NAV3: variants seen among roughly 807,000 people sequenced by gnomAD.
NAV3 encodes neuron navigator 3, also known as pore membrane and/or filament interacting like protein 1.
Under a neutral mutation model 244.7 loss-of-function variants are expected in NAV3, and 87 were observed. That is an observed-to-expected ratio of 0.36 (90% CI 0.30 to 0.42). The LOEUF (loss-of-function observed/expected upper bound fraction) is 0.42. Ranked by LOEUF, NAV3 falls within the 20% of genes least tolerant of loss-of-function variation. The probability of loss-of-function intolerance (pLI) is 1.00; values close to 1 mark genes in which losing one functional copy is unlikely to be tolerated. For synonymous variants in NAV3, 1,126 were observed against 1,042.2 expected (o/e 1.08, Z -1.55); for missense variants, 2,663 against 2,893.3 (o/e 0.92, Z 1.83).
chr12:77,665,486 G>A (rs1363817424), intron 2 of NAV3, among the ~76,000 whole-genome samples: 1 of 152,062 alleles, frequency 6.6e-6, no homozygotes, highest in Non-Finnish European at 1.5e-5. Context: ...ATTTTTATGT[G>A]AAGATAATAT....
intron 5 of NAV3, among the ~76,000 whole-genome samples, chr12:77,993,868 C>T (rs1871869413): frequency 6.6e-6 from 1 of 152,166 alleles, no homozygotes; most frequent in African/African-American, 2.4e-5. Flanking sequence ...CATTCCAATT[C>T]ATCTGAGAAG....
rs71088341 is a variant in NAV3 at position 77,831,169 on chromosome 12, CAGAGAGAGAGAG to C, written c.-279_-268del. On this transcript the variant is annotated 5_prime_UTR_variant, in exon 1 of 40. Coordinates refer to ENST00000397909, the MANE Select transcript of NAV3 (RefSeq NM_001024383.2). ...CACTGAACAGAGAGAGAGAGAGAGA[CAGAGAGAGAGAG>C]AGAGAGAGAGAGACAGAGAGAGAGA... is the stretch of plus-strand genomic sequence containing the variant. 4.2e-5 allele frequency: 6 copies of C among 143,898 alleles called. No homozygotes were observed. Among genetic ancestry groups the C allele is most frequent in the Admixed American group, 7.3e-5 (1 of 13,738 alleles). The allele number at this position is 143,898 out of a possible 1,614,324, so 8.9% of individuals were successfully genotyped here.
chr12:78,057,186 A>G (rs2137371641), intron 11 of NAV3, among the ~76,000 whole-genome samples: 1 of 152,304 alleles, frequency 6.6e-6, no homozygotes, highest in South Asian at 2.1e-4. Context: ...AAAGTTACAT[A>G]TTTTAATTGA....
chr12:77,696,605 A>G (rs914016828), intron 2 of NAV3, among the ~76,000 whole-genome samples: 5 of 152,140 alleles, frequency 3.3e-5, no homozygotes, highest in African/African-American at 1.2e-4. Flanking sequence ...GATGATAAAC[A>G]TGGGTTACTC....
intron 12 of NAV3, among the ~76,000 whole-genome samples, chr12:78,096,821 C>T (rs908328320): frequency 6.6e-5 from 10 of 152,116 alleles, no homozygotes; most frequent in African/African-American, 2.2e-4. Context: ...GGTACCATAT[C>T]CATTCTGTTG....
intron 1 of NAV3, among the ~76,000 whole-genome samples, chr12:77,881,267 T>A (rs1457513851): frequency 2.0e-5 from 3 of 152,196 alleles, no homozygotes; most frequent in African/African-American, 4.8e-5. Flanking sequence ...GTTTTAAGAT[T>A]GGTCTGTCTC....
chr12:77,597,586 A>G (rs1016055191), intron 2 of NAV3, among the ~76,000 whole-genome samples: 9 of 152,120 alleles, frequency 5.9e-5, no homozygotes, highest in Non-Finnish European at 1.2e-4. Context: ...ATTTTAATAG[A>G]CTTTTATTCA....
intron 2 of NAV3, among the ~76,000 whole-genome samples, chr12:77,692,784 C>T (rs1424093963): frequency 1.3e-5 from 2 of 151,992 alleles, no homozygotes; most frequent in African/African-American, 4.8e-5. Context: ...TATGTTTCTG[C>T]CCTTATAAAG....
At chr12:77,882,558 A>AT (rs1882786564) in intron 1 of NAV3, among the ~76,000 whole-genome samples, 1 of 152,200 alleles carries the variant, frequency 6.6e-6, no homozygotes, top group Admixed American at 6.5e-5. Flanking sequence ...AGCAATCGCA[A>AT]TAAAAACAAA....
intron 2 of NAV3, among the ~76,000 whole-genome samples, chr12:77,781,107 C>T (rs1040819771): frequency 7.2e-5 from 11 of 152,160 alleles, no homozygotes; most frequent in East Asian, 3.9e-4. Context: ...CTAAGGATCT[C>T]ACAAGGCTGC....
chr12:78,076,333 C>T (rs1438047814), intron 12 of NAV3, among the ~76,000 whole-genome samples: 1 of 152,128 alleles, frequency 6.6e-6, no homozygotes, highest in East Asian at 1.9e-4. Context: ...TGTGAACTCT[C>T]CTCAAAACCT....
In NAV3 at chr12:78,197,228, T is replaced by C. The variant is rs1254087291; in HGVS notation, c.6292-19T>C. On this transcript the variant is annotated intron_variant, in intron 34 of 39. Transcript: ENST00000397909. Reference sequence around the variant, plus strand: ...ATAAATTTATCACTGACGTATCTGTTTTCTTCATTTTTTAAAAGGAATTGC... The same window carrying C: ...ATAAATTTATCACTGACGTATCTGTCTTCTTCATTTTTTAAAAGGAATTGC... 3 of 1,509,418 alleles carry C rather than the reference T, an allele frequency of 2.0e-6. No individual in the cohort carries two copies. Among genetic ancestry groups the C allele is most frequent in the Non-Finnish European group, 2.7e-6 (3 of 1,125,328 alleles). The allele number at this position is 1,509,418 out of a possible 1,614,324, so 93.5% of individuals were successfully genotyped here. A position where few individuals can be genotyped will look rare whatever the true frequency, so the allele number is the denominator to read the frequency against.
At chr12:78,117,360 TATA>T (rs1955461862) in intron 13 of NAV3, among the ~76,000 whole-genome samples, 1 of 144,182 alleles carries the variant, frequency 6.9e-6, no homozygotes, top group African/African-American at 2.5e-5. Flanking sequence ...ATATATAACA[TATA>T]ATAGATATAT....
At chr12:77,954,459 A>G (rs919381595) in intron 3 of NAV3, among the ~76,000 whole-genome samples, 1 of 152,202 alleles carries the variant, frequency 6.6e-6, no homozygotes, top group African/African-American at 2.4e-5. Flanking sequence ...TCTGCTCCTC[A>G]TTAATTGTGT....
chr12:77,993,266 A>G (rs1871755749), intron 5 of NAV3, among the ~76,000 whole-genome samples: 2 of 152,188 alleles, frequency 1.3e-5, no homozygotes, highest in South Asian at 4.1e-4. Context: ...TTCAATTTAG[A>G]GAAAGTAGGG....
At chr12:77,964,755 A>G (rs1322401879) in intron 3 of NAV3, among the ~76,000 whole-genome samples, 1 of 152,166 alleles carries the variant, frequency 6.6e-6, no homozygotes, top group African/African-American at 2.4e-5. Flanking sequence ...TTATTTATTC[A>G]TTAGAATAAT....
intron 1 of NAV3, among the ~76,000 whole-genome samples, chr12:77,932,824 C>T (rs1452434704): frequency 6.6e-6 from 1 of 152,140 alleles, no homozygotes; most frequent in Admixed American, 6.6e-5. Flanking sequence ...CTGGCCTCTT[C>T]CTTTAGTGTT....
At chr12:77,850,061 A>G (rs1013668604) in intron 1 of NAV3, among the ~76,000 whole-genome samples, 11 of 152,190 alleles carry the variant, frequency 7.2e-5, no homozygotes, top group African/African-American at 2.7e-4. Context: ...TGCTTAGGTT[A>G]CTCTAATAAA....
intron 2 of NAV3, among the ~76,000 whole-genome samples, chr12:77,602,080 T>C (rs1870459723): frequency 6.6e-6 from 1 of 151,966 alleles, no homozygotes. Flanking sequence ...TAATAGGGAG[T>C]TCTGCAGTGT....
Sources: allele counts gnomAD v4.1 joint callset (sites outside exome capture counted in the v4.1 genomes callset), GRCh38; gene constraint gnomAD v4.1.1; transcripts MANE v1.5; gene names NCBI Gene and HGNC (gene_info 2026-07-23, HGNC 2026-07-21).